The following ALK variants were observed in gnomAD, a reference collection of about 807,000 sequenced individuals.
ALK encodes the protein ALK tyrosine kinase receptor.
A neutral mutation model predicts 163.1 loss-of-function variants in ALK; 74 were observed. That is an observed-to-expected ratio of 0.45 (90% CI 0.38 to 0.55). The LOEUF (loss-of-function observed/expected upper bound fraction) is 0.55, where lower values mean the gene tolerates loss of function less well. ALK is among the 20% of genes least tolerant of loss of function. ALK has a pLI of 0.00. For synonymous variants in ALK, 960 were observed against 843.2 expected (o/e 1.14, Z -2.40); for missense variants, 2,063 against 2,105.3 (o/e 0.98, Z 0.39).
In ALK at chr2:29,716,474, T is replaced by G. The variant is rs555709168; in HGVS notation, c.787+1104A>C. On this transcript the variant is annotated intron_variant, in intron 2 of 28. Coordinates refer to ENST00000389048, the MANE Select transcript of ALK (RefSeq NM_004304.5). The stretch of plus-strand genomic sequence containing the variant: ...TCTTCTCTCCTCTAAATCTTCTCAT[T>G]GCAGAGACCCAGCTACTATGAGCTG... Among the ~76,000 whole-genome samples, 51 of 152,310 alleles carry G rather than the reference T, an allele frequency of 3.3e-4. 2 individuals are homozygous for G. The South Asian group carries it at 8.1e-3, about 24-fold the overall frequency.
chr2:29,198,386 G>T (rs1461075676), intron 26 of ALK, among the ~76,000 whole-genome samples: 1 of 152,054 alleles, frequency 6.6e-6, no homozygotes, highest in African/African-American at 2.4e-5. Context: ...TTATACATTT[G>T]CTCAAGCCCA....
intron 7 of ALK, among the ~76,000 whole-genome samples, chr2:29,319,812 CAG>C (rs2148249837): frequency 6.6e-6 from 1 of 152,372 alleles, no homozygotes; most frequent in East Asian, 1.9e-4. Context: ...CTTTTACAGA[CAG>C]AATGCTAAGA....
At chr2:29,229,794 C>T (rs373552412) in intron 15 of ALK, among the ~76,000 whole-genome samples, 1 of 152,198 alleles carries the variant, frequency 6.6e-6, no homozygotes, top group East Asian at 1.9e-4. Context: ...CACCTGGGCT[C>T]AGCCTGCTTA....
chr2:29,434,273 A>G (rs953122533), intron 4 of ALK, among the ~76,000 whole-genome samples: 1 of 152,240 alleles, frequency 6.6e-6, no homozygotes, highest in African/African-American at 2.4e-5. Flanking sequence ...ATGGAAGAGC[A>G]TAATGACCTA....
chr2:29,333,526 T>C (rs1478558287), intron 5 of ALK, among the ~76,000 whole-genome samples: 2 of 152,216 alleles, frequency 1.3e-5, no homozygotes, highest in Admixed American at 1.3e-4. Context: ...ATGAGGTCAT[T>C]AATAAGGATG....
chr2:29,475,969 C>A (rs1671509266), intron 4 of ALK, among the ~76,000 whole-genome samples: 1 of 152,194 alleles, frequency 6.6e-6, no homozygotes, highest in Admixed American at 6.5e-5. Flanking sequence ...CTTGGTCCTC[C>A]CGTGTGGGGC....
chr2:29,347,972 A>G (rs6715779), intron 5 of ALK, among the ~76,000 whole-genome samples: 152,140 of 152,312 alleles, frequency 1, 75,984 homozygotes, highest in Non-Finnish European at 1. Context: ...TTCTGGGACT[A>G]CACCTTAAGA....
chr2:29,327,470 G>A (rs893480990), intron 6 of ALK, among the ~76,000 whole-genome samples: 4 of 152,144 alleles, frequency 2.6e-5, no homozygotes, highest in Non-Finnish European at 5.9e-5. Flanking sequence ...CAAAGATATG[G>A]AGAAAGTGGG....
At chr2:29,671,004 T>C (rs1677666533) in intron 3 of ALK, among the ~76,000 whole-genome samples, 2 of 152,120 alleles carry the variant, frequency 1.3e-5, no homozygotes, top group South Asian at 2.1e-4. Flanking sequence ...GGTCAGTCAC[T>C]GTATTGTTGC....
At position 29,341,529 on chromosome 2, in the gene ALK, C is replaced by T. The variant is rs574139648; in HGVS notation, c.1283-13048G>A. Among the ~76,000 whole-genome samples the T allele has an allele frequency of 5.3e-5, 8 of 152,290 alleles. No homozygotes were observed. In the East Asian group the frequency reaches 9.7e-4, roughly 18 times the overall value. On this transcript the variant is annotated intron_variant, in intron 5 of 28. Transcript: ENST00000389048. ...ACTTGGAAGGCTAAGGAGGGAGGAT[C>T]GCTTTAGCCTTCACTGCAGGAGGTT...
chr2:29,652,701 C>T (rs1677069604), intron 3 of ALK, among the ~76,000 whole-genome samples: 2 of 152,192 alleles, frequency 1.3e-5, no homozygotes, highest in African/African-American at 4.8e-5. Flanking sequence ...ATAATGTAAT[C>T]AATCACGCTT....
At chr2:29,567,985 G>C (rs1674243788) in intron 3 of ALK, among the ~76,000 whole-genome samples, 1 of 152,192 alleles carries the variant, frequency 6.6e-6, no homozygotes, top group Admixed American at 6.5e-5. Flanking sequence ...AAATGACACA[G>C]AGATGATTTA....
chr2:29,670,752 T>G (rs1468316440), intron 3 of ALK, among the ~76,000 whole-genome samples: 1 of 152,068 alleles, frequency 6.6e-6, no homozygotes, highest in Non-Finnish European at 1.5e-5. Flanking sequence ...AGCTCACTGA[T>G]TTTTCCTCTG....
At chr2:29,236,742 C>A (rs1664396378) in intron 13 of ALK, among the ~76,000 whole-genome samples, 1 of 152,222 alleles carries the variant, frequency 6.6e-6, no homozygotes, top group Admixed American at 6.5e-5. Flanking sequence ...GGTTCCTCTT[C>A]TTTTCCTGAC....
intron 4 of ALK, among the ~76,000 whole-genome samples, chr2:29,432,915 A>G (rs1670307715): frequency 6.6e-6 from 1 of 152,146 alleles, no homozygotes; most frequent in Non-Finnish European, 1.5e-5. Flanking sequence ...CAGCTCTCAT[A>G]CTTACTAGCT....
chr2:29,720,736 C>T (rs914810425), intron 1 of ALK, among the ~76,000 whole-genome samples: 1 of 152,206 alleles, frequency 6.6e-6, no homozygotes, highest in Non-Finnish European at 1.5e-5. Flanking sequence ...TGTCTGTTCC[C>T]ATCAAGCTCT....
At chr2:29,529,047 A>T (rs1673042782) in intron 4 of ALK, among the ~76,000 whole-genome samples, 2 of 152,156 alleles carry the variant, frequency 1.3e-5, no homozygotes, top group Admixed American at 1.3e-4. Context: ...CCAGGCAACC[A>T]GGAAGGCAGC....
chr2:29,434,138 C>T (rs192736264), intron 4 of ALK, among the ~76,000 whole-genome samples: 10 of 152,184 alleles, frequency 6.6e-5, no homozygotes, highest in South Asian at 4.2e-4. Flanking sequence ...AGAATATTTA[C>T]GGTATTATCC....
intron 3 of ALK, among the ~76,000 whole-genome samples, chr2:29,661,625 T>A (rs940797460): frequency 3.3e-5 from 5 of 152,204 alleles, no homozygotes; most frequent in African/African-American, 1.2e-4. Context: ...AAGGTATGAC[T>A]GTCTATTTGC....
Sources: allele counts gnomAD v4.1 joint callset (sites outside exome capture counted in the v4.1 genomes callset), GRCh38; gene constraint gnomAD v4.1.1; transcripts MANE v1.5; gene names NCBI Gene and HGNC (gene_info 2026-07-23, HGNC 2026-07-21).